CD82: variants seen among roughly 807,000 people sequenced by gnomAD.
The protein encoded by CD82 is CD82 molecule.
In CD82, 36 loss-of-function variants were observed where a neutral mutation model predicts 37.4. That is an observed-to-expected ratio of 0.96 (90% confidence interval 0.74 to 1.27). The LOEUF is 1.27. Ranked by LOEUF, CD82 falls within the 50% of genes most tolerant of loss-of-function variation. The pLI is 0.00. For missense variants in CD82, 340 were observed against 347.0 expected (o/e 0.98, Z 0.16); for synonymous variants, 158 against 137.4 (o/e 1.15, Z -1.05).
Position 44,587,499 on chromosome 11 carries a change from G to A in CD82, c.-78G>A, listed in dbSNP as rs747933620. The A allele has an allele frequency of 2.2e-6, 1 of 456,352 alleles. No individual in the cohort carries two copies. The highest frequency in any genetic ancestry group is 4.4e-6 in the Non-Finnish European group (1 of 226,968). 28.3% of individuals were successfully genotyped at this position (456,352 alleles called of 1,614,324 possible). ...GAGTCCTCCCTGCTGCTGTGTGGAC[G>A]ACACGTGGGCACAGGCAGAAGTGGG... On this transcript the variant is annotated 5_prime_UTR_variant, in exon 2 of 10. Coordinates refer to ENST00000227155, the MANE Select transcript of CD82 (RefSeq NM_002231.4).
At chr11:44,578,936 C>T (rs1852939570) in intron 1 of CD82, among the ~76,000 whole-genome samples, 1 of 152,152 alleles carries the variant, frequency 6.6e-6, no homozygotes, top group East Asian at 1.9e-4. Context: ...CCCTGAGTTG[C>T]TCTAGTGGAG....
chr11:44,583,861 C>T (rs894489615), intron 1 of CD82, among the ~76,000 whole-genome samples: 3 of 152,126 alleles, frequency 2.0e-5, no homozygotes, highest in African/African-American at 4.8e-5. Flanking sequence ...CTCTTGGACC[C>T]CTGGCCTCCT....
chr11:44,587,902 A>G lies in CD82; in HGVS notation c.-21+346A>G, dbSNP rs140732984. 2.1e-4 allele frequency: 58 copies of G among 274,994 alleles called. No individual in the cohort carries two copies. The Middle Eastern group carries it at 5.4e-3, about 26-fold the overall frequency. 17.0% of individuals were successfully genotyped at this position (274,994 alleles called of 1,614,324 possible). A position where few individuals can be genotyped will look rare whatever the true frequency, so the allele number is the denominator to read the frequency against. Reference sequence around the variant, plus strand: ...CTGCCTTCAGGTGGCCGAGAACTTGAAAGCCCTGGTGTTCTTTGTGGCAGT... The same window carrying G: ...CTGCCTTCAGGTGGCCGAGAACTTGGAAGCCCTGGTGTTCTTTGTGGCAGT... On this transcript the variant is annotated intron_variant, in intron 2 of 9. Coordinates refer to ENST00000227155, the MANE Select transcript of CD82 (RefSeq NM_002231.4).
chr11:44,618,204 A>G lies in CD82; in HGVS notation c.481A>G (p.Asn161Asp), dbSNP rs1341802660. The G allele has an allele frequency of 6.2e-7, 1 of 1,614,102 alleles. No individual in the cohort carries two copies. Among genetic ancestry groups the G allele is most frequent in the Non-Finnish European group, 8.5e-7 (1 of 1,180,036 alleles). ...GGTCAGCTTCTACAACTGGACAGACAACGCTGAGCTCATGAATCGCCCTGA... is the reference window on the plus strand; with the variant it reads ...GGTCAGCTTCTACAACTGGACAGACGACGCTGAGCTCATGAATCGCCCTGA... ...GWVSFYNWTD[N>D]AELMNRPEVT... Residue 161 changes from asparagine to aspartate, a missense_variant, in exon 8 of 10, where the codon AAC (asparagine) becomes GAC (aspartate). Physicochemically the swap from Asn to Asp is conservative, Grantham distance 23. Coordinates refer to ENST00000227155, the MANE Select transcript of CD82 (RefSeq NM_002231.4).
chr11:44,585,405 G>A, intron 1 of CD82: 3 of 440,318 alleles, frequency 6.8e-6, no homozygotes, highest in South Asian at 4.9e-5. Flanking sequence ...GAAAGCTGAG[G>A]CACAGTGGTA....
At chr11:44,596,022 G>A (rs1853220576) in intron 3 of CD82, among the ~76,000 whole-genome samples, 1 of 151,198 alleles carries the variant, frequency 6.6e-6, no homozygotes, top group East Asian at 1.9e-4. Flanking sequence ...GTTCATACAC[G>A]CATGCACACA....
At chr11:44,618,608 C>A (rs367958042) in intron 8 of CD82, 32 bp from the exon 9 acceptor site, 1 of 1,562,566 alleles carries the variant, frequency 6.4e-7, no homozygotes, top group South Asian at 1.1e-5. Context: ...TGGTGCAGAG[C>A]GGGGTGATGT....
chr11:44,600,036 G>A, intron 3 of CD82, 122 bp from the exon 4 acceptor site: 2 of 870,304 alleles, frequency 2.3e-6, no homozygotes, highest in South Asian at 3.0e-5. Context: ...CTGGAGAAGG[G>A]TGGATGTGGT....
intron 1 of CD82, chr11:44,587,214 A>G: frequency 2.9e-6 from 1 of 343,886 alleles, no homozygotes. Context: ...TTGTGGGAAA[A>G]TACGGGAAAA....
Position 44,619,437 on chromosome 11 carries a change from G to A in CD82, c.*311G>A. ...GACTTCTACCTGCCCTCAAGGGTGTGTATATTGTATAGGGGCAACTGTATG... is the reference window on the plus strand; with the variant it reads ...GACTTCTACCTGCCCTCAAGGGTGTATATATTGTATAGGGGCAACTGTATG... On this transcript the variant is annotated 3_prime_UTR_variant, in exon 10 of 10. Coordinates refer to ENST00000227155, the MANE Select transcript of CD82 (RefSeq NM_002231.4). The A allele has an allele frequency of 5.2e-6, 2 of 381,770 alleles. No individual in the cohort carries two copies. Among genetic ancestry groups the A allele is most frequent in the Non-Finnish European group, 9.8e-6 (2 of 203,650 alleles). 23.6% of individuals were successfully genotyped at this position (381,770 alleles called of 1,614,324 possible). A position where few individuals can be genotyped will look rare whatever the true frequency, so the allele number is the denominator to read the frequency against.
intron 6 of CD82, among the ~76,000 whole-genome samples, chr11:44,612,809 AT>A (rs557175057): frequency 1.5e-4 from 22 of 148,226 alleles, no homozygotes; most frequent in African/African-American, 4.0e-4. Context: ...AATTTTTGGT[AT>A]TTTTTTTTAG....
chr11:44,608,749 G>A (rs1853435696), intron 6 of CD82, among the ~76,000 whole-genome samples: 1 of 152,264 alleles, frequency 6.6e-6, no homozygotes, highest in Non-Finnish European at 1.5e-5. Context: ...CCATTCGGGT[G>A]TCCCTAGGGA....
intron 1 of CD82, among the ~76,000 whole-genome samples, chr11:44,571,408 T>C (rs909882334): frequency 6.6e-6 from 1 of 152,188 alleles, no homozygotes; most frequent in African/African-American, 2.4e-5. Context: ...GTCTTACCGC[T>C]CTGTGCATCA....
intron 4 of CD82, among the ~76,000 whole-genome samples, chr11:44,601,180 C>T (rs1335070710): frequency 3.3e-5 from 5 of 152,146 alleles, no homozygotes; most frequent in Non-Finnish European, 5.9e-5. Flanking sequence ...CTCACTTCTC[C>T]CAGCAGCTGC....
At chr11:44,565,459 TC>T (rs1222765507), upstream of CD82, 1 of 150,556 alleles carries the variant, frequency 6.6e-6, no homozygotes, top group Non-Finnish European at 1.5e-5. Flanking sequence ...GGGCCTCAGC[TC>T]CAGCTGGGCC....
At position 44,618,223 on chromosome 11, in the gene CD82, G is replaced by T; in HGVS notation, c.500G>T (p.Arg167Leu). The T allele has an allele frequency of 1.2e-6, 2 of 1,614,056 alleles. No homozygotes were observed. The highest frequency in any genetic ancestry group is 1.7e-6 in the Non-Finnish European group (2 of 1,180,018). The change falls in exon 8 of 10, where the codon CGC (arginine) becomes CTC (leucine). Residue 167 changes from arginine (R) to leucine (L), a missense_variant. By Grantham distance (102) the Arg-to-Leu change is moderately radical (BLOSUM62 -2). Coordinates refer to ENST00000227155, the MANE Select transcript of CD82 (RefSeq NM_002231.4). ...NWTDNAELMN[R>L]PEVTYPCSCE... Reference sequence around the variant, plus strand: ...ACAGACAACGCTGAGCTCATGAATCGCCCTGAGGTCACCTACCCCTGTTCC... The same window carrying T: ...ACAGACAACGCTGAGCTCATGAATCTCCCTGAGGTCACCTACCCCTGTTCC...
intron 1 of CD82, among the ~76,000 whole-genome samples, chr11:44,586,414 T>C (rs1474700994): frequency 6.6e-6 from 1 of 152,184 alleles, no homozygotes; most frequent in Non-Finnish European, 1.5e-5. Context: ...TCTGTCAGCT[T>C]TTCTGACCCA....
At chr11:44,589,754 C>A (rs1269758780) in intron 2 of CD82, among the ~76,000 whole-genome samples, 2 of 152,226 alleles carry the variant, frequency 1.3e-5, no homozygotes, top group Non-Finnish European at 2.9e-5. Flanking sequence ...CTCTAAGTCA[C>A]AATCAATTCC....
At chr11:44,596,908 G>C in intron 3 of CD82, 2 of 456,174 alleles carry the variant, frequency 4.4e-6, no homozygotes, top group Non-Finnish European at 8.8e-6. Flanking sequence ...GCAGTTGTTG[G>C]GGGTACTAGG....
Sources: allele counts gnomAD v4.1 joint callset (sites outside exome capture counted in the v4.1 genomes callset), GRCh38; gene constraint gnomAD v4.1.1; transcripts MANE v1.5; gene names NCBI Gene and HGNC (gene_info 2026-07-23, HGNC 2026-07-21).